The following CDH2 variants were observed in gnomAD, a reference collection of about 807,000 sequenced individuals.
CDH2 encodes cadherin-2.
A neutral mutation model predicts 92.0 loss-of-function variants in CDH2; 17 were observed. The ratio of observed to expected loss-of-function variants is 0.18; its 90% CI spans 0.13 to 0.28. The LOEUF is 0.28. Ranked by LOEUF, CDH2 falls within the 10% of genes least tolerant of loss-of-function variation. The pLI is 1.00. For missense variants in CDH2, 862 were observed against 1,133.1 expected (o/e 0.76, Z 3.44); for synonymous variants, 419 against 415.9 (o/e 1.01, Z -0.09).
intron 7 of CDH2, among the ~76,000 whole-genome samples, chr18:27,994,696 C>A (rs1220117946): frequency 6.6e-6 from 1 of 152,028 alleles, no homozygotes; most frequent in Non-Finnish European, 1.5e-5. Context: ...ATATAGCTAA[C>A]ATTATGAATG....
intron 1 of CDH2, among the ~76,000 whole-genome samples, chr18:28,153,311 T>C (rs2016154431): frequency 6.6e-6 from 1 of 152,206 alleles, no homozygotes. Flanking sequence ...TCCTCTATTA[T>C]CTTTGCTGCT....
chr18:27,958,886 C>T (rs559210579), intron 15 of CDH2, among the ~76,000 whole-genome samples: 2 of 152,228 alleles, frequency 1.3e-5, no homozygotes, highest in African/African-American at 4.8e-5. Flanking sequence ...TCTCCTGCTG[C>T]CATGTGAAGA....
chr18:28,069,786 G>A (rs2014580605), intron 2 of CDH2, among the ~76,000 whole-genome samples: 2 of 152,070 alleles, frequency 1.3e-5, no homozygotes, highest in Admixed American at 6.6e-5. Context: ...ACCCTGAGCT[G>A]CATTCAGAGC....
intron 2 of CDH2, among the ~76,000 whole-genome samples, chr18:28,071,845 C>G (rs1232554408): frequency 6.6e-6 from 1 of 152,048 alleles, no homozygotes; most frequent in Non-Finnish European, 1.5e-5. Flanking sequence ...ACTATTAACC[C>G]TAAAGGTAGC....
chr18:28,071,437 T>C (rs1018601508), intron 2 of CDH2, among the ~76,000 whole-genome samples: 2 of 152,058 alleles, frequency 1.3e-5, no homozygotes, highest in African/African-American at 4.8e-5. Flanking sequence ...TAGAGAAGGC[T>C]AGTGGGAGGG....
At chr18:28,014,019 T>A in intron 2 of CDH2, 110 bp from the exon 3 acceptor site, 1 of 695,744 alleles carries the variant, frequency 1.4e-6, no homozygotes, top group Non-Finnish European at 2.4e-6. Flanking sequence ...AAAAATACAG[T>A]AGCATGAAAC....
At chr18:28,047,044 T>C (rs1188139929) in intron 2 of CDH2, among the ~76,000 whole-genome samples, 2 of 152,180 alleles carry the variant, frequency 1.3e-5, no homozygotes, top group Admixed American at 6.5e-5. Flanking sequence ...CAAATGGATG[T>C]ATTTGATGTG....
At chr18:28,173,998 T>C (rs2016500606) in intron 1 of CDH2, among the ~76,000 whole-genome samples, 1 of 152,192 alleles carries the variant, frequency 6.6e-6, no homozygotes, top group Non-Finnish European at 1.5e-5. Context: ...AAGAAAATCT[T>C]GATGTTGAAC....
At chr18:27,963,669 A>ATGAT (rs2011467299) in intron 14 of CDH2, 148 bp from the exon 15 acceptor site, 1 of 623,486 alleles carries the variant, frequency 1.6e-6, no homozygotes, top group East Asian at 2.8e-5. Flanking sequence ...TTTTCATGTT[A>ATGAT]TGATTAAATA....
intron 2 of CDH2, among the ~76,000 whole-genome samples, chr18:28,108,873 T>A (rs926756419): frequency 6.6e-6 from 1 of 151,968 alleles, no homozygotes; most frequent in Non-Finnish European, 1.5e-5. Flanking sequence ...TCCCCTCTCT[T>A]CCCTCCTACT....
At chr18:28,172,582 C>T (rs908629129) in intron 1 of CDH2, among the ~76,000 whole-genome samples, 1 of 152,082 alleles carries the variant, frequency 6.6e-6, no homozygotes, top group African/African-American at 2.4e-5. Flanking sequence ...CAACTTAAAA[C>T]TCTTAACTTG....
At chr18:27,953,546 G>T (rs1344115885) in intron 15 of CDH2, among the ~76,000 whole-genome samples, 2 of 152,244 alleles carry the variant, frequency 1.3e-5, no homozygotes, top group East Asian at 1.9e-4. Flanking sequence ...GATCAAGCCT[G>T]CCAATACACA....
intron 6 of CDH2, among the ~76,000 whole-genome samples, chr18:27,943,989 C>A (rs1051275666): frequency 1.3e-5 from 2 of 151,680 alleles, no homozygotes; most frequent in Admixed American, 6.6e-5. Context: ...TTTTAGATAC[C>A]TAAAGATTAA....
At chr18:28,093,685 T>C (rs964981706) in intron 2 of CDH2, among the ~76,000 whole-genome samples, 11 of 152,238 alleles carry the variant, frequency 7.2e-5, no homozygotes, top group Non-Finnish European at 1.6e-4. Context: ...GCCAGCCAGT[T>C]AAATGATTAA....
intron 2 of CDH2, among the ~76,000 whole-genome samples, chr18:28,065,860 A>G (rs920315020): frequency 6.6e-6 from 1 of 152,162 alleles, no homozygotes; most frequent in Non-Finnish European, 1.5e-5. Flanking sequence ...GGCAACACCA[A>G]ACTTAAATGC....
chr18:28,112,332 G>T (rs2015426755), intron 2 of CDH2, among the ~76,000 whole-genome samples: 1 of 152,112 alleles, frequency 6.6e-6, no homozygotes, highest in African/African-American at 2.4e-5. Context: ...TCCTAAAATG[G>T]GTTAGTGATG....
chr18:28,169,260 T>C (rs1412335189), intron 1 of CDH2, among the ~76,000 whole-genome samples: 1 of 152,064 alleles, frequency 6.6e-6, no homozygotes, highest in Non-Finnish European at 1.5e-5. Flanking sequence ...ATAAAATAAA[T>C]TGAGGAATGT....
chr18:28,076,320 C>A (rs1490617582), intron 2 of CDH2, among the ~76,000 whole-genome samples: 1 of 152,050 alleles, frequency 6.6e-6, no homozygotes, highest in East Asian at 1.9e-4. Flanking sequence ...CTTATCCCGG[C>A]CTTACTATTT....
chr18:28,042,975 A>G (rs1245394539), intron 2 of CDH2, among the ~76,000 whole-genome samples: 4 of 152,228 alleles, frequency 2.6e-5, no homozygotes, highest in African/African-American at 9.6e-5. Context: ...CAATCAGTCA[A>G]GAAGAGATTT....
Sources: gnomAD v4.1 joint callset for allele counts (sites outside exome capture counted in the v4.1 genomes callset) on GRCh38, gnomAD v4.1.1 for gene constraint, MANE v1.5 for transcripts, NCBI Gene and HGNC (gene_info 2026-07-23, HGNC 2026-07-21) for gene names.